The following ORC4 variants were observed in gnomAD, a reference collection of about 807,000 sequenced individuals.
The protein encoded by ORC4 is origin recognition complex, subunit 4 homolog.
Under a neutral mutation model 63.9 loss-of-function variants are expected in ORC4, and 55 were observed. The ratio of observed to expected loss-of-function variants is 0.86; its 90% CI spans 0.69 to 1.08. ORC4 has a LOEUF of 1.08. Ranked by LOEUF, ORC4 falls within the 50% of genes least tolerant of loss-of-function variation. The pLI, the probability that ORC4 is intolerant of heterozygous loss-of-function variation, is 0.00. For synonymous variants in ORC4, 150 were observed against 168.5 expected (o/e 0.89, Z 0.85); for missense variants, 511 against 504.4 (o/e 1.01, Z -0.13).
At chr2:147,983,834 C>G (rs1234376) in intron 1 of ORC4, among the ~76,000 whole-genome samples, 152,041 of 152,308 alleles carry the variant, frequency 1, 75,887 homozygotes, top group Non-Finnish European at 1. Context: ...TGTGTTTCAA[C>G]ATATGGGTCT....
In ORC4 at chr2:147,935,640, T is replaced by C. The variant is rs1414809205; in HGVS notation, c.1181A>G (p.Asn394Ser). Reference protein sequence around the residue: ...LIKPMERTSGNSQREYQLMKL... With the variant: ...LIKPMERTSGSSQREYQLMKL... Reference sequence around the variant, plus strand: ...CATCAGCTGGTACTCTCTCTGTGAATTTCCTGAAGTTCTTTCCATGGGCTT... The same window carrying C: ...CATCAGCTGGTACTCTCTCTGTGAACTTCCTGAAGTTCTTTCCATGGGCTT... Residue 394 changes from asparagine to serine, a missense_variant, in exon 14 of 14, where the codon AAT becomes AGT. Physicochemically the swap from Asn to Ser is conservative, Grantham distance 46 (BLOSUM62 1). Transcript: ENST00000392857. 1 of 1,613,652 alleles carries C rather than the reference T, an allele frequency of 6.2e-7. No individual in the cohort carries two copies. The highest frequency in any genetic ancestry group is 8.5e-7 in the Non-Finnish European group (1 of 1,179,790).
At chr2:147,985,011 T>G (rs1045734989) in intron 1 of ORC4, among the ~76,000 whole-genome samples, 2 of 152,222 alleles carry the variant, frequency 1.3e-5, no homozygotes, top group Non-Finnish European at 2.9e-5. Context: ...AATTATGAAG[T>G]ACATCCTTTA....
chr2:147,975,876 T>C, intron 2 of ORC4, 26 bp downstream of exon 2: 1 of 1,345,654 alleles, frequency 7.4e-7, no homozygotes, highest in Non-Finnish European at 1.1e-6. Context: ...TAAAATATCT[T>C]GAGATTAATG....
At chr2:147,949,283 A>G (rs1257549738) in intron 8 of ORC4, among the ~76,000 whole-genome samples, 1 of 152,096 alleles carries the variant, frequency 6.6e-6, no homozygotes, top group East Asian at 1.9e-4. Context: ...AAAAGGAATA[A>G]AGGGCTGATA....
intron 3 of ORC4, 35 bp from the exon 4 acceptor site, chr2:147,972,864 T>G: frequency 7.3e-7 from 1 of 1,371,962 alleles, no homozygotes; most frequent in Non-Finnish European, 1.0e-6. Context: ...ATTTTAAAAA[T>G]GAAGCTGGAA....
chr2:147,947,789 G>T, intron 9 of ORC4: 1 of 237,998 alleles, frequency 4.2e-6, no homozygotes, highest in Non-Finnish European at 8.1e-6. Context: ...TAAAACTAAA[G>T]CCTCATTAAA....
At chr2:147,975,824 C>G in intron 2 of ORC4, 78 bp downstream of exon 2, 1 of 879,600 alleles carries the variant, frequency 1.1e-6, no homozygotes, top group Non-Finnish European at 1.9e-6. Flanking sequence ...AGGGAAAATT[C>G]AGGTTAAGAA....
At chr2:147,942,180 T>C (rs1364395167) in intron 10 of ORC4, among the ~76,000 whole-genome samples, 1 of 152,132 alleles carries the variant, frequency 6.6e-6, no homozygotes, top group Non-Finnish European at 1.5e-5. Flanking sequence ...CATATGCCAG[T>C]CCATAAATGG....
At chr2:147,955,256 T>C in intron 7 of ORC4, 91 bp downstream of exon 7, 1 of 819,256 alleles carries the variant, frequency 1.2e-6, no homozygotes, top group Non-Finnish European at 2.0e-6. Context: ...AGAGCTTTTT[T>C]TTTTGGCAAA....
intron 1 of ORC4, among the ~76,000 whole-genome samples, chr2:148,019,466 C>A (rs1390735570): frequency 6.6e-6 from 1 of 152,154 alleles, no homozygotes; most frequent in Non-Finnish European, 1.5e-5. Flanking sequence ...GTGGCACATG[C>A]CTGTAGTTTC....
chr2:147,992,282 G>C (rs1691664300), intron 1 of ORC4, among the ~76,000 whole-genome samples: 1 of 152,106 alleles, frequency 6.6e-6, no homozygotes, highest in South Asian at 2.1e-4. Context: ...TTTGGTTTAA[G>C]AGATGGGGCT....
At chr2:147,997,212 G>C (rs1043961347) in intron 1 of ORC4, among the ~76,000 whole-genome samples, 19 of 152,098 alleles carry the variant, frequency 1.2e-4, no homozygotes, top group African/African-American at 4.6e-4. Context: ...TACAGAAATA[G>C]ATGTTTTAGT....
intron 1 of ORC4, among the ~76,000 whole-genome samples, chr2:147,998,518 C>G (rs1000704012): frequency 6.6e-6 from 1 of 152,162 alleles, no homozygotes; most frequent in Non-Finnish European, 1.5e-5. Flanking sequence ...ACTATGCACT[C>G]CTCAGATTTT....
At chr2:147,954,339 T>C (rs1000771253) in intron 7 of ORC4, among the ~76,000 whole-genome samples, 6 of 152,316 alleles carry the variant, frequency 3.9e-5, no homozygotes, top group African/African-American at 1.4e-4. Context: ...GTTAGGTGAC[T>C]GCATCGTTGT....
Position 147,933,570 on chromosome 2 carries a change from CAATG to C in ORC4, c.*1936_*1939del, listed in dbSNP as rs1353640994. On this transcript the variant is annotated 3_prime_UTR_variant, in exon 14 of 14. Transcript: ENST00000392857. The stretch of plus-strand genomic sequence containing the variant: ...GGATCTTCTGCAGCTCTTATGTAGC[CAATG>C]AGACAGATGAGGGCTGTCAGCTTTT... 1 of 151,884 alleles carries C rather than the reference CAATG, an allele frequency of 6.6e-6. No individual in the cohort carries two copies. The highest frequency in any genetic ancestry group is 1.5e-5 in the Non-Finnish European group (1 of 67,964). 9.4% of individuals were successfully genotyped at this position (151,884 alleles called of 1,614,324 possible).
chr2:147,988,030 G>T (rs1025188455), intron 1 of ORC4, among the ~76,000 whole-genome samples: 1 of 148,538 alleles, frequency 6.7e-6, no homozygotes. Flanking sequence ...TCCAGCCTGG[G>T]CAACAGAGCG....
chr2:147,958,699 C>G (rs759936535), intron 5 of ORC4, 92 bp downstream of exon 5: 10 of 710,402 alleles, frequency 1.4e-5, no homozygotes, highest in African/African-American at 8.9e-5. Flanking sequence ...TTTTCAAAAT[C>G]TAACTATTAA....
intron 1 of ORC4, among the ~76,000 whole-genome samples, chr2:147,986,776 G>GACACACACAC (rs1048997022): frequency 3.0e-5 from 3 of 101,306 alleles, no homozygotes; most frequent in Admixed American, 1.0e-4. Flanking sequence ...ATTTTATACA[G>GACACACACAC]ACACACACAC....
chr2:148,004,250 A>G (rs1692487199), intron 1 of ORC4, among the ~76,000 whole-genome samples: 1 of 152,076 alleles, frequency 6.6e-6, no homozygotes, highest in African/African-American at 2.4e-5. Flanking sequence ...ACAGAATTAG[A>G]AAAAAAACTA....
Sources: gnomAD v4.1 joint callset for allele counts (sites outside exome capture counted in the v4.1 genomes callset) on GRCh38, gnomAD v4.1.1 for gene constraint, MANE v1.5 for transcripts, NCBI Gene and HGNC (gene_info 2026-07-23, HGNC 2026-07-21) for gene names.